NLGN4X: variants seen among roughly 807,000 people sequenced by gnomAD.
NLGN4X encodes neuroligin 4 X-linked, also known as neuroligin-4, X-linked.
Under a neutral mutation model 40.3 loss-of-function variants are expected in NLGN4X, and 3 were observed. The ratio of observed to expected loss-of-function variants is 0.07; its 90% confidence interval spans 0.03 to 0.19. The LOEUF (loss-of-function observed/expected upper bound fraction) is 0.19. NLGN4X is among the 10% of genes least tolerant of loss of function. The pLI is 1.00. For missense variants in NLGN4X, 382 were observed against 708.3 expected, an observed-to-expected ratio of 0.54 and a Z score of 5.23; for synonymous variants, 270 against 306.8, an observed-to-expected ratio of 0.88 and a Z score of 1.25.
chrX:6,118,889 C>T (rs12847926), intron 2 of NLGN4X, among the ~76,000 whole-genome samples: 19,540 of 110,592 alleles, frequency 0.18, 1,339 homozygotes, highest in Non-Finnish European at 0.2. Flanking sequence ...ATTCCTTGGA[C>T]GCATCAAGGA....
chrX:5,909,509 A>G (rs2032371774), intron 3 of NLGN4X, among the ~76,000 whole-genome samples: 1 of 111,271 alleles, frequency 9.0e-6, no homozygotes, highest in South Asian at 3.8e-4. Flanking sequence ...TAAAATATTA[A>G]TAACATGAAG....
chrX:6,016,946 G>T (rs1274993589), intron 3 of NLGN4X, among the ~76,000 whole-genome samples: 1 of 111,596 alleles, frequency 9.0e-6, no homozygotes, highest in Non-Finnish European at 1.9e-5. Flanking sequence ...GATAGTTAGT[G>T]GAAGCCTATC....
intron 3 of NLGN4X, among the ~76,000 whole-genome samples, chrX:5,963,587 A>C (rs1324959987): frequency 8.9e-6 from 1 of 112,038 alleles, no homozygotes; most frequent in Non-Finnish European, 1.9e-5. Context: ...ATTTCATCTT[A>C]AGGCTAACAC....
rs1412018300 is a variant in NLGN4X at position 5,903,624 on chromosome X, C to T, written c.1054G>A (p.Asp352Asn). ...PVIDGDVIPD[D>N]PQILMEQGEF... ...CCTTGCTCCATCAGGATCTGGGGGTCGTCTGGGATGACGTCGCCGTCGATC... is the reference window on the plus strand; with the variant it reads ...CCTTGCTCCATCAGGATCTGGGGGTTGTCTGGGATGACGTCGCCGTCGATC... The change falls in exon 5 of 6, where the codon GAC becomes AAC. Residue 352 changes from aspartate (D) to asparagine (N), a missense_variant. By Grantham distance (23) the Asp-to-Asn change is conservative. This residue lies in a region of NLGN4X where 149 missense variants were observed against 375.8 expected (regional missense o/e 0.40). Coordinates refer to ENST00000381095, the MANE Select transcript of NLGN4X (RefSeq NM_181332.3). 1 of 1,211,517 alleles carries T rather than the reference C, an allele frequency of 8.3e-7. No individual in the cohort carries two copies.
chrX:6,172,818 C>T (rs1988487248), intron 1 of NLGN4X, among the ~76,000 whole-genome samples: 2 of 111,929 alleles, frequency 1.8e-5, no homozygotes, highest in African/African-American at 6.5e-5. Context: ...GCCCAAATGG[C>T]CTCCAAATGC....
chrX:5,948,981 T>G (rs1357974306), intron 3 of NLGN4X, among the ~76,000 whole-genome samples: 3 of 111,609 alleles, frequency 2.7e-5, no homozygotes, highest in Non-Finnish European at 5.6e-5. Context: ...TGGAGCACCA[T>G]GCATAGCCTC....
At chrX:6,068,931 C>T (rs959090988) in intron 2 of NLGN4X, among the ~76,000 whole-genome samples, 5 of 112,346 alleles carry the variant, frequency 4.5e-5, no homozygotes, top group African/African-American at 1.3e-4. Flanking sequence ...AAGAATTAAA[C>T]TTGTAGTTCT....
intron 2 of NLGN4X, among the ~76,000 whole-genome samples, chrX:6,067,138 T>C (rs1569218209): frequency 9.3e-6 from 1 of 107,595 alleles, no homozygotes; most frequent in Admixed American, 1.0e-4. Flanking sequence ...ATAAAACATA[T>C]AAAAATATGC....
chrX:6,197,445 A>ATTTTTTTTTTTTTTTTTTT (rs1430016429), intron 1 of NLGN4X, among the ~76,000 whole-genome samples: 9 of 86,697 alleles, frequency 1.0e-4, no homozygotes, highest in Non-Finnish European at 1.9e-4. Flanking sequence ...TTTTTTTTGT[A>ATTTTTTTTTTTTTTTTTTT]TTTTTTATAG....
intron 2 of NLGN4X, among the ~76,000 whole-genome samples, chrX:6,131,699 G>A (rs995504037): frequency 2.7e-5 from 3 of 112,217 alleles, no homozygotes; most frequent in Non-Finnish European, 3.8e-5. Flanking sequence ...TGTAGCTTTG[G>A]AGCACTTTGG....
chrX:6,136,504 G>A (rs1326907257), intron 2 of NLGN4X, among the ~76,000 whole-genome samples: 3 of 111,589 alleles, frequency 2.7e-5, no homozygotes, highest in Non-Finnish European at 5.6e-5. Context: ...GTGGACTGCT[G>A]GACTGAAAGC....
At chrX:6,164,737 C>T (rs1413996983) in intron 1 of NLGN4X, among the ~76,000 whole-genome samples, 1 of 111,840 alleles carries the variant, frequency 8.9e-6, no homozygotes, top group Non-Finnish European at 1.9e-5. Context: ...CCTGTGACCC[C>T]AGGACCAGCT....
intron 1 of NLGN4X, among the ~76,000 whole-genome samples, chrX:6,220,877 A>G (rs1395596771): frequency 4.7e-5 from 5 of 106,858 alleles, no homozygotes; most frequent in African/African-American, 1.4e-4. Context: ...AGCTGGGATT[A>G]CAGGCACACA....
chrX:6,044,957 A>G (rs1209638973), intron 2 of NLGN4X, among the ~76,000 whole-genome samples: 2 of 112,500 alleles, frequency 1.8e-5, no homozygotes, highest in Admixed American at 1.9e-4. Context: ...TTTCTTTATT[A>G]CAGAGACATA....
chrX:6,102,805 T>A (rs1007115034), intron 2 of NLGN4X, among the ~76,000 whole-genome samples: 2 of 110,854 alleles, frequency 1.8e-5, no homozygotes, highest in Non-Finnish European at 3.8e-5. Flanking sequence ...ATAAATTAGA[T>A]AGATAAGAAA....
intron 3 of NLGN4X, chrX:5,991,650 G>T (rs957535362): frequency 1.8e-5 from 7 of 387,316 alleles, no homozygotes; most frequent in Admixed American, 1.1e-4. Flanking sequence ...ATCCATCAGT[G>T]CTAATAACAG....
At position 5,963,041 on chromosome X, in the gene NLGN4X, CAG is replaced by C. The variant is rs780322100; in HGVS notation, c.626-53804_626-53803del. 3.6e-4 allele frequency among the ~76,000 whole-genome samples: 36 copies of C among 101,144 alleles called. 1 individual carries two copies. In the East Asian group the frequency reaches 0.011, roughly 30 times the overall value. 87.8% of individuals were successfully genotyped at this position (101,144 alleles called of 115,157 possible). ...TTAAGATAACAAATACCTAAAAATGCAGAAGCAGCTCTGGAACTGGGTAATAA... is the reference window on the plus strand; with the variant it reads ...TTAAGATAACAAATACCTAAAAATGCAAGCAGCTCTGGAACTGGGTAATAA... On this transcript the variant is annotated intron_variant, in intron 3 of 5. Coordinates refer to ENST00000381095, the MANE Select transcript of NLGN4X (RefSeq NM_181332.3).
intron 2 of NLGN4X, among the ~76,000 whole-genome samples, chrX:6,049,757 C>A (rs991038833): frequency 1.1e-4 from 12 of 104,598 alleles, no homozygotes; most frequent in Non-Finnish European, 2.4e-4. Context: ...CACAAAATAC[C>A]TTAAAGAGCT....
rs772933317 is a variant in NLGN4X at position 6,029,452 on chromosome X, A to G, written c.473-20T>C. ...GAATATCTGGAAAAAAAAGCCAAGT[A>G]AGGAAACACAATAAAGAATCACACT... is the stretch of plus-strand genomic sequence containing the variant. On this transcript the variant is annotated intron_variant, in intron 2 of 5. Transcript: ENST00000381095. 4.2e-6 allele frequency: 5 copies of G among 1,196,454 alleles called. No homozygotes were observed. The Admixed American group carries it at 1.1e-4, about 26-fold the overall frequency.
Sources: allele counts gnomAD v4.1 joint callset (sites outside exome capture counted in the v4.1 genomes callset), GRCh38; gene constraint gnomAD v4.1.1; regional missense constraint gnomAD v4.1.1; transcripts MANE v1.5; gene names NCBI Gene and HGNC (gene_info 2026-07-23, HGNC 2026-07-21).